The following COX10 variants were observed in gnomAD, a reference collection of about 807,000 sequenced individuals.
COX10 encodes the protein protoheme IX farnesyltransferase, mitochondrial.
A neutral mutation model predicts 37.3 loss-of-function variants in COX10; 27 were observed. The observed-to-expected ratio is 0.72, with a 90% confidence interval of 0.53 to 1.00. The LOEUF (loss-of-function observed/expected upper bound fraction) is 1.00. Among genes scored for constraint, COX10 ranks in the 50% least tolerant of loss-of-function variants. The pLI, the probability that COX10 is intolerant of heterozygous loss-of-function variation, is 0.00. For missense variants in COX10, 475 were observed against 563.2 expected, an observed-to-expected ratio of 0.84 and a Z score of 1.59; for synonymous variants, 222 against 229.1, an observed-to-expected ratio of 0.97 and a Z score of 0.28.
chr17:14,085,575 C>T (rs948499639), intron 3 of COX10, among the ~76,000 whole-genome samples: 2 of 151,898 alleles, frequency 1.3e-5, no homozygotes, highest in Non-Finnish European at 2.9e-5. Context: ...TAGAAGTATA[C>T]CTTTATTTTT....
intron 4 of COX10, among the ~76,000 whole-genome samples, chr17:14,114,960 C>A (rs927713448): frequency 6.6e-6 from 1 of 152,096 alleles, no homozygotes; most frequent in African/African-American, 2.4e-5. Flanking sequence ...TCTGTTATAT[C>A]ATTTATTAAA....
chr17:14,185,149 A>C (rs1905988707), intron 5 of COX10, among the ~76,000 whole-genome samples: 1 of 152,184 alleles, frequency 6.6e-6, no homozygotes, highest in African/African-American at 2.4e-5. Context: ...TAATAAAAAA[A>C]ATATTTCACA....
chr17:14,204,938 CA>C (rs1567614647), intron 6 of COX10, among the ~76,000 whole-genome samples: 1 of 152,026 alleles, frequency 6.6e-6, no homozygotes, highest in Non-Finnish European at 1.5e-5. Flanking sequence ...CCCATCTCTA[CA>C]AAAAGTTGTT....
chr17:14,076,810 GAA>G lies in COX10; in HGVS notation c.258_259del (p.Lys86AsnfsTer12). The stretch of plus-strand genomic sequence containing the variant: ...AGAACCAGTAGCATCTCCTTTCCTT[GAA>G]AAAACATCTTCAGGTCAAGCCAAAG... ...KPEPVASPFL[E>X]KTSSGQAKAE... On this transcript the variant is annotated frameshift_variant, in exon 3 of 7. Coordinates refer to ENST00000261643, the MANE Select transcript of COX10 (RefSeq NM_001303.4). LOFTEE classifies it high-confidence loss of function. 1 of 1,614,036 alleles carries G rather than the reference GAA, an allele frequency of 6.2e-7. No homozygotes were observed. Among genetic ancestry groups the G allele is most frequent in the Non-Finnish European group, 8.5e-7 (1 of 1,180,006 alleles).
intron 6 of COX10, 152 bp downstream of exon 6, chr17:14,192,373 G>C: frequency 6.2e-7 from 1 of 1,613,166 alleles, no homozygotes. Flanking sequence ...TTTTGTGGAC[G>C]CAGAGTAAAG....
intron 4 of COX10, among the ~76,000 whole-genome samples, chr17:14,117,733 T>C (rs1916145251): frequency 6.6e-6 from 1 of 152,172 alleles, no homozygotes; most frequent in Non-Finnish European, 1.5e-5. Flanking sequence ...GGGCATATGT[T>C]CTTTCTACTT....
chr17:14,115,618 T>C (rs1334491469), intron 4 of COX10, among the ~76,000 whole-genome samples: 2 of 152,144 alleles, frequency 1.3e-5, no homozygotes, highest in East Asian at 1.9e-4. Context: ...AGCAAAGATA[T>C]GCAATCAACC....
intron 5 of COX10, among the ~76,000 whole-genome samples, chr17:14,166,261 GCTAA>G (rs1408419067): frequency 1.3e-5 from 2 of 152,184 alleles, no homozygotes; most frequent in African/African-American, 4.8e-5. Context: ...CAAAGGATAG[GCTAA>G]CTCTCATTAG....
At position 14,117,970 on chromosome 17, in the gene COX10, C is replaced by T. The variant is rs184521967; in HGVS notation, c.624+15728C>T. 1.9e-3 allele frequency among the ~76,000 whole-genome samples: 282 copies of T among 152,034 alleles called. 1 individual carries two copies. Among genetic ancestry groups the T allele is most frequent in the Non-Finnish European group, 3.4e-3 (228 of 67,962 alleles). Reference sequence around the variant, plus strand: ...ATGGAATGGGAAGGTGGTCGTCTCCCGGAGTCAGGCCGCCCACCTAGCTGG... The same window carrying T: ...ATGGAATGGGAAGGTGGTCGTCTCCTGGAGTCAGGCCGCCCACCTAGCTGG... On this transcript the variant is annotated intron_variant, in intron 4 of 6. Transcript: ENST00000261643.
chr17:14,085,180 G>A (rs773655959), intron 3 of COX10, among the ~76,000 whole-genome samples: 3 of 152,072 alleles, frequency 2.0e-5, no homozygotes, highest in Non-Finnish European at 2.9e-5. Flanking sequence ...GGATTATTGT[G>A]ATGATTATAA....
At chr17:14,160,098 C>T in intron 5 of COX10, 151 bp downstream of exon 5, 1 of 739,784 alleles carries the variant, frequency 1.4e-6, no homozygotes, top group Admixed American at 2.2e-5. Context: ...ATACTTTCCA[C>T]CTCTAACCAA....
chr17:14,099,645 C>G (rs1240914932), intron 3 of COX10, among the ~76,000 whole-genome samples: 2 of 151,964 alleles, frequency 1.3e-5, no homozygotes, highest in Non-Finnish European at 2.9e-5. Context: ...TTTCCTTCCC[C>G]CCATCTGTAA....
chr17:14,190,704 C>T (rs149422225), intron 5 of COX10, among the ~76,000 whole-genome samples: 3 of 151,096 alleles, frequency 2.0e-5, no homozygotes, highest in Admixed American at 6.6e-5. Context: ...GACTTCATTC[C>T]GTACTGTAGT....
At position 14,086,126 on chromosome 17, in the gene COX10, G is replaced by C. The variant is rs545719707; in HGVS notation, c.499+9070G>C. The stretch of plus-strand genomic sequence containing the variant: ...GTCACAAATGTCTTATGTTGTTTGT[G>C]TCTTGTTTTCATTTATCTTTGTTTT... On this transcript the variant is annotated intron_variant, in intron 3 of 6. Coordinates refer to ENST00000261643, the MANE Select transcript of COX10 (RefSeq NM_001303.4). Among the ~76,000 whole-genome samples, 3 of 152,054 alleles carry C rather than the reference G, an allele frequency of 2.0e-5. No homozygotes were observed. In the East Asian group the frequency reaches 5.8e-4, roughly 29 times the overall value.
intron 4 of COX10, among the ~76,000 whole-genome samples, chr17:14,150,553 A>T (rs1452400944): frequency 6.6e-6 from 1 of 152,140 alleles, no homozygotes; most frequent in Non-Finnish European, 1.5e-5. Flanking sequence ...TGACCATTGG[A>T]ATTAATGTCC....
intron 6 of COX10, among the ~76,000 whole-genome samples, chr17:14,195,105 A>G (rs1906330567): frequency 1.3e-5 from 2 of 152,262 alleles, no homozygotes; most frequent in Admixed American, 6.5e-5. Flanking sequence ...CCTTGTCAAG[A>G]TTATACAGAA....
chr17:14,115,984 G>A (rs987416894), intron 4 of COX10, among the ~76,000 whole-genome samples: 22 of 152,122 alleles, frequency 1.4e-4, no homozygotes, highest in African/African-American at 4.8e-4. Flanking sequence ...TATACATGCA[G>A]TAAAATTACA....
intron 5 of COX10, among the ~76,000 whole-genome samples, chr17:14,186,619 C>G (rs1052232266): frequency 6.6e-6 from 1 of 151,756 alleles, no homozygotes; most frequent in Non-Finnish European, 1.5e-5. Flanking sequence ...AGGACCACAC[C>G]TGTCTTGCTC....
chr17:14,194,960 T>G (rs16949234), intron 6 of COX10, among the ~76,000 whole-genome samples: 6,608 of 152,196 alleles, frequency 0.043, 244 homozygotes, highest in African/African-American at 0.096. Context: ...CCCTTGGCAG[T>G]TTTTGAGGTT....
Sources: allele counts gnomAD v4.1 joint callset (sites outside exome capture counted in the v4.1 genomes callset), GRCh38; gene constraint gnomAD v4.1.1; transcripts MANE v1.5; gene names NCBI Gene and HGNC (gene_info 2026-07-23, HGNC 2026-07-21).